The following INSR variants were observed in gnomAD, a reference collection of about 807,000 sequenced individuals.
The protein encoded by INSR is insulin receptor.
A neutral mutation model predicts 142.6 loss-of-function variants in INSR; 67 were observed. The ratio of observed to expected loss-of-function variants is 0.47; its 90% CI spans 0.39 to 0.58. INSR has a LOEUF of 0.58. INSR is among the 20% of genes least tolerant of loss of function. The pLI, the probability that INSR is intolerant of heterozygous loss-of-function variation, is 0.00. For synonymous variants in INSR, 756 were observed against 743.1 expected (o/e 1.02, Z -0.28); for missense variants, 1,248 against 1,833.2 (o/e 0.68, Z 5.83).
At chr19:7,249,986 T>C (rs1329149800) in intron 2 of INSR, among the ~76,000 whole-genome samples, 2 of 146,516 alleles carry the variant, frequency 1.4e-5, no homozygotes, top group African/African-American at 5.0e-5. Context: ...AGCCAGACTC[T>C]GTCTCAAAAA....
intron 2 of INSR, among the ~76,000 whole-genome samples, chr19:7,256,581 G>A (rs568868812): frequency 7.8e-4 from 119 of 152,062 alleles, no homozygotes; most frequent in African/African-American, 2.6e-3. Flanking sequence ...CCTGGGTAAC[G>A]TGGTGAAACC....
chr19:7,274,466 G>A (rs891432129), intron 1 of INSR, among the ~76,000 whole-genome samples: 3 of 151,164 alleles, frequency 2.0e-5, no homozygotes, highest in Non-Finnish European at 4.4e-5. Context: ...CTTTACCCTG[G>A]CAGCCCATCT....
At chr19:7,231,244 GC>G (rs1975963606) in intron 2 of INSR, among the ~76,000 whole-genome samples, 1 of 151,910 alleles carries the variant, frequency 6.6e-6, no homozygotes, top group African/African-American at 2.4e-5. Flanking sequence ...ATCTGCAAAT[GC>G]TGTTTTCGTT....
At position 7,142,803 on chromosome 19, in the gene INSR, G is replaced by A. The variant is rs995936508; in HGVS notation, c.2542+13C>T. 6.2e-7 allele frequency: 1 copy of A among 1,613,502 alleles called. No homozygotes were observed. The highest frequency in any genetic ancestry group is 1.3e-5 in the African/African-American group (1 of 74,928). ...CCACCCATGACACTCGGACCCCGGA[G>A]CAGCAGCCCTACCTTCAGGCATGGT... On this transcript the variant is annotated intron_variant, in intron 12 of 21. Coordinates refer to ENST00000302850, the MANE Select transcript of INSR (RefSeq NM_000208.4).
At chr19:7,213,269 G>T (rs961373920) in intron 2 of INSR, among the ~76,000 whole-genome samples, 4 of 150,526 alleles carry the variant, frequency 2.7e-5, no homozygotes, top group Admixed American at 6.6e-5. Context: ...GCTTGAACCC[G>T]GGAGGCGGAG....
chr19:7,210,292 C>A (rs1975234268), intron 2 of INSR, among the ~76,000 whole-genome samples: 1 of 147,202 alleles, frequency 6.8e-6, no homozygotes, highest in Non-Finnish European at 1.5e-5. Flanking sequence ...TTGCAGTGAG[C>A]CGAGATTGAG....
chr19:7,145,677 A>T (rs1463934206), intron 11 of INSR, among the ~76,000 whole-genome samples: 1 of 152,254 alleles, frequency 6.6e-6, no homozygotes, highest in Non-Finnish European at 1.5e-5. Flanking sequence ...TTCCAATAAG[A>T]GTTCATTTAC....
At chr19:7,290,549 G>A (rs543047272) in intron 1 of INSR, among the ~76,000 whole-genome samples, 1 of 152,196 alleles carries the variant, frequency 6.6e-6, no homozygotes, top group African/African-American at 2.4e-5. Flanking sequence ...GAGGCAGGCA[G>A]ATCACTTGAG....
intron 2 of INSR, among the ~76,000 whole-genome samples, chr19:7,203,759 C>G (rs1358109000): frequency 6.6e-6 from 1 of 152,194 alleles, no homozygotes; most frequent in Non-Finnish European, 1.5e-5. Context: ...CACCGTGAAA[C>G]AGAATCATAA....
intron 11 of INSR, among the ~76,000 whole-genome samples, chr19:7,144,350 C>T (rs1973139961): frequency 6.6e-6 from 1 of 152,112 alleles, no homozygotes; most frequent in South Asian, 2.1e-4. Context: ...CGATGAATGA[C>T]TGTAAAATAT....
chr19:7,162,141 A>G (rs1973767121), intron 9 of INSR, among the ~76,000 whole-genome samples: 1 of 151,908 alleles, frequency 6.6e-6, no homozygotes, highest in Non-Finnish European at 1.5e-5. Context: ...AGCCTGGCCA[A>G]CATGGTGAAA....
At chr19:7,132,110 C>T in intron 14 of INSR, 48 bp downstream of exon 14, 10 of 1,611,670 alleles carry the variant, frequency 6.2e-6, no homozygotes, top group Non-Finnish European at 8.5e-6. Flanking sequence ...CCACCATGCT[C>T]AGTGCTAAGC....
chr19:7,197,514 GGGGT>G (rs762781164), intron 2 of INSR, among the ~76,000 whole-genome samples: 2,953 of 26,918 alleles, frequency 0.11, 513 homozygotes, highest in African/African-American at 0.27. Context: ...AGTGGGAGTG[GGGGT>G]GTGTGTGTGT....
rs1042390806 is a variant in INSR, at chr19:7,243,679, G to A, written c.652+23666C>T. 2.0e-5 allele frequency among the ~76,000 whole-genome samples: 3 copies of A among 152,126 alleles called. 1 individual carries two copies. The highest frequency in any genetic ancestry group is 1.3e-4 in the Admixed American group (2 of 15,260). On this transcript the variant is annotated intron_variant, in intron 2 of 21. Transcript: ENST00000302850. The stretch of plus-strand genomic sequence containing the variant: ...AACACAATAAATAATCCAAACTGAT[G>A]AAGACATTGCAAAATAAAACCAACC...
intron 2 of INSR, among the ~76,000 whole-genome samples, chr19:7,228,023 C>T (rs1975843572): frequency 6.6e-6 from 1 of 152,000 alleles, no homozygotes; most frequent in African/African-American, 2.4e-5. Flanking sequence ...AAATCTAGGG[C>T]CTCTCTCAGG....
At chr19:7,133,142 G>A (rs571159476) in intron 13 of INSR, among the ~76,000 whole-genome samples, 1 of 152,074 alleles carries the variant, frequency 6.6e-6, no homozygotes. Context: ...CGCACCTGTA[G>A]TCCCAGCTAC....
chr19:7,224,989 C>T (rs1205556774), intron 2 of INSR, among the ~76,000 whole-genome samples: 1 of 151,704 alleles, frequency 6.6e-6, no homozygotes, highest in Non-Finnish European at 1.5e-5. Context: ...GACAGACAGA[C>T]AGAGACAGAG....
intron 2 of INSR, among the ~76,000 whole-genome samples, chr19:7,248,177 G>A (rs572210676): frequency 4.0e-5 from 6 of 150,360 alleles, no homozygotes; most frequent in African/African-American, 1.2e-4. Flanking sequence ...ACAGGGTCTC[G>A]CTCTGTCACC....
chr19:7,134,488 CG>C (rs1232340229), intron 13 of INSR, among the ~76,000 whole-genome samples: 2 of 151,822 alleles, frequency 1.3e-5, no homozygotes, highest in African/African-American at 2.4e-5. Context: ...AGTTGAAGCC[CG>C]GGCACGGTGG....
Sources: gnomAD v4.1 joint callset for allele counts (sites outside exome capture counted in the v4.1 genomes callset) on GRCh38, gnomAD v4.1.1 for gene constraint, MANE v1.5 for transcripts, NCBI Gene and HGNC (gene_info 2026-07-23, HGNC 2026-07-21) for gene names.